The following ARHGAP17 variants were observed in gnomAD, a reference collection of about 807,000 sequenced individuals.
ARHGAP17 encodes the protein Rho GTPase activating protein 17.
In ARHGAP17, 57 loss-of-function variants were observed where a neutral mutation model predicts 99.5. The ratio of observed to expected loss-of-function variants is 0.57; its 90% CI spans 0.46 to 0.71. The LOEUF (loss-of-function observed/expected upper bound fraction) is 0.71. Ranked by LOEUF, ARHGAP17 falls within the 30% of genes least tolerant of loss-of-function variation. The probability of loss-of-function intolerance (pLI) is 0.00; values close to 1 mark genes in which losing one functional copy is unlikely to be tolerated. For missense variants in ARHGAP17, 1,000 were observed against 1,122.4 expected (o/e 0.89, Z 1.56); for synonymous variants, 417 against 429.6 (o/e 0.97, Z 0.36).
In ARHGAP17 at chr16:24,939,402, C is replaced by T. The variant is rs527665624; in HGVS notation, c.1686G>A (p.Ala562=). 5.3e-5 allele frequency: 86 copies of T among 1,610,364 alleles called. No individual in the cohort carries two copies. Among genetic ancestry groups the T allele is most frequent in the East Asian group, 4.9e-4 (22 of 44,872 alleles). The change falls in exon 17 of 20, where the codon GCG becomes GCA. Residue 562 remains alanine, a synonymous_variant. Transcript: ENST00000289968. ...GGCTCGGCCCCTGCTCCAGTATGCC[C>T]GCGGAAGAGGGGACAGTCCCACCCC... ...SSGGGTVPSS[A]GILEQGPSPG...
chr16:24,943,338 T>A (rs1488744484), intron 15 of ARHGAP17, among the ~76,000 whole-genome samples: 2 of 152,196 alleles, frequency 1.3e-5, no homozygotes, highest in Non-Finnish European at 2.9e-5. Flanking sequence ...CTCCAGCATA[T>A]TCAACATCGC....
intron 19 of ARHGAP17, among the ~76,000 whole-genome samples, chr16:24,928,509 G>A (rs1458279313): frequency 1.3e-5 from 2 of 152,120 alleles, no homozygotes; most frequent in African/African-American, 4.8e-5. Context: ...GCATAATTCT[G>A]GTTTGCAATC....
Position 24,935,521 on chromosome 16 carries a change from T to C in ARHGAP17, c.1843A>G (p.Met615Val), listed in dbSNP as rs2152452914. The change falls in exon 18 of 20, where the codon ATG becomes GTG. Residue 615 changes from methionine to valine, a missense_variant. Transcript: ENST00000289968. ...CCTGCAGCATTGTGAGGTTGGCCCA[T>C]GGAGAGCTGGTGGGAGCCAGCAGCT... ...QAAAGSHQLS[M>V]GQPHNAAGPS... is the part of the protein sequence containing the mutation. 3.1e-6 allele frequency: 5 copies of C among 1,613,162 alleles called. No homozygotes were observed. The highest frequency in any genetic ancestry group is 1.7e-4 in the Middle Eastern group (1 of 6,060).
intron 1 of ARHGAP17, among the ~76,000 whole-genome samples, chr16:24,996,393 C>T (rs1464297978): frequency 3.3e-5 from 5 of 152,134 alleles, no homozygotes; most frequent in African/African-American, 4.8e-5. Context: ...ATTTCTTCAG[C>T]GTTACCAGGC....
At chr16:24,969,276 G>A (rs183325081) in intron 4 of ARHGAP17, among the ~76,000 whole-genome samples, 10 of 151,722 alleles carry the variant, frequency 6.6e-5, no homozygotes, top group Non-Finnish European at 1.0e-4. Flanking sequence ...CAAAGTACAC[G>A]TGCAGTGATA....
chr16:24,943,852 C>A lies in ARHGAP17; in HGVS notation c.1252G>T (p.Glu418Ter), dbSNP rs1353013342. ...TGGACGGATGTGGCTGCTGCCATTT[C>A]AGCAAGTGTTCTGCAAAGCAAGTTC... ...LWARNEGTLAEMAAATSVHVV... is the reference protein window; with the variant it reads ...LWARNEGTLA Residue 418 changes from glutamate to a stop codon, truncating the protein, a stop_gained, in exon 15 of 20, where the codon GAA becomes TAA. Transcript: ENST00000289968. LOFTEE classifies it high-confidence loss of function. 5.0e-6 allele frequency: 8 copies of A among 1,614,048 alleles called. No homozygotes were observed. The highest frequency in any genetic ancestry group is 1.3e-5 in the African/African-American group (1 of 74,938).
intron 19 of ARHGAP17, among the ~76,000 whole-genome samples, chr16:24,925,783 T>C (rs954638199): frequency 6.6e-6 from 1 of 152,120 alleles, no homozygotes; most frequent in South Asian, 2.1e-4. Flanking sequence ...CAAATAATTA[T>C]GCTCATGTAC....
At chr16:24,947,356 G>T in intron 14 of ARHGAP17, 126 bp downstream of exon 14, 1 of 861,336 alleles carries the variant, frequency 1.2e-6, no homozygotes, top group Non-Finnish European at 1.8e-6. Context: ...TAGGCTGAAT[G>T]AGAAAACCAA....
At chr16:24,983,062 T>C (rs2052752075) in intron 1 of ARHGAP17, among the ~76,000 whole-genome samples, 1 of 136,016 alleles carries the variant, frequency 7.4e-6, no homozygotes, top group Non-Finnish European at 1.5e-5. Flanking sequence ...TGGAGTGCAG[T>C]GCCACAATCT....
At chr16:24,930,350 T>G (rs2050949193) in intron 19 of ARHGAP17, among the ~76,000 whole-genome samples, 1 of 152,254 alleles carries the variant, frequency 6.6e-6, no homozygotes, top group Admixed American at 6.5e-5. Flanking sequence ...AGCATTTTAA[T>G]GAGGAATTCA....
chr16:24,920,376 A>G (rs1031482544), intron 19 of ARHGAP17, 116 bp from the exon 20 acceptor site: 3 of 1,336,932 alleles, frequency 2.2e-6, no homozygotes, highest in Non-Finnish European at 3.1e-6. Context: ...CCATGCACAC[A>G]GGGTCCCTTG....
intron 16 of ARHGAP17, among the ~76,000 whole-genome samples, chr16:24,941,292 C>A (rs2051305230): frequency 6.6e-6 from 1 of 152,202 alleles, no homozygotes; most frequent in South Asian, 2.1e-4. Flanking sequence ...CAACAGGCCT[C>A]TTAACTGTTA....
chr16:24,962,292 T>C (rs924396660), intron 7 of ARHGAP17, among the ~76,000 whole-genome samples: 1 of 152,158 alleles, frequency 6.6e-6, no homozygotes, highest in Non-Finnish European at 1.5e-5. Context: ...CCTTGGGGAC[T>C]AGTAAGGAGA....
intron 1 of ARHGAP17, among the ~76,000 whole-genome samples, chr16:25,000,853 T>G (rs1426442923): frequency 2.6e-5 from 4 of 152,236 alleles, no homozygotes; most frequent in Non-Finnish European, 5.9e-5. Flanking sequence ...GCATTTAAGA[T>G]CACCTGCCAA....
intron 14 of ARHGAP17, among the ~76,000 whole-genome samples, chr16:24,945,992 T>C (rs892637689): frequency 1.3e-5 from 2 of 152,228 alleles, no homozygotes; most frequent in African/African-American, 2.4e-5. Context: ...CTATTTGCTA[T>C]ATATTTCTAA....
intron 1 of ARHGAP17, among the ~76,000 whole-genome samples, chr16:24,984,893 T>TA (rs200488274): frequency 0.01 from 1,538 of 148,054 alleles, 6 homozygotes; most frequent in Non-Finnish European, 0.012. Context: ...CAGTTGAAAA[T>TA]AAAAAAAAAA....
intron 1 of ARHGAP17, among the ~76,000 whole-genome samples, chr16:24,995,283 G>T (rs1272343182): frequency 6.6e-6 from 1 of 152,170 alleles, no homozygotes; most frequent in Non-Finnish European, 1.5e-5. Context: ...GCACAGAGAA[G>T]CACATTAAAT....
intron 9 of ARHGAP17, chr16:24,957,653 T>C (rs1213490000): frequency 2.0e-5 from 3 of 152,166 alleles, no homozygotes; most frequent in Non-Finnish European, 4.4e-5. Flanking sequence ...AACTGCAGTA[T>C]GTTTTGCTCT....
At chr16:24,959,802 G>C (rs777607439) in intron 8 of ARHGAP17, 50 bp from the exon 9 acceptor site, 5 of 1,605,976 alleles carry the variant, frequency 3.1e-6, no homozygotes, top group Non-Finnish European at 4.3e-6. Context: ...GCATCGGATG[G>C]ACACACACAC....
Sources: gnomAD v4.1 joint callset for allele counts (sites outside exome capture counted in the v4.1 genomes callset) on GRCh38, gnomAD v4.1.1 for gene constraint, MANE v1.5 for transcripts, NCBI Gene and HGNC (gene_info 2026-07-23, HGNC 2026-07-21) for gene names.